CYP4V2: variants seen among roughly 807,000 people sequenced by gnomAD.
CYP4V2 encodes cytochrome P450 4V2.
Under a neutral mutation model 60.8 loss-of-function variants are expected in CYP4V2, and 55 were observed. The observed-to-expected ratio is 0.90, with a 90% CI of 0.73 to 1.13. The LOEUF is 1.13. Among genes scored for constraint, CYP4V2 ranks in the 50% most tolerant of loss-of-function variants. The pLI is 0.00. For missense variants in CYP4V2, 675 were observed against 662.9 expected (o/e 1.02, Z -0.20); for synonymous variants, 239 against 236.8 (o/e 1.01, Z -0.08).
At chr4:186,193,092 A>G (rs1233966708) in intron 1 of CYP4V2, among the ~76,000 whole-genome samples, 2 of 152,090 alleles carry the variant, frequency 1.3e-5, no homozygotes, top group Non-Finnish European at 1.5e-5. Flanking sequence ...AAATATCATC[A>G]TGACTGATGT....
chr4:186,195,626 A>T lies in CYP4V2; in HGVS notation c.328-377A>T, dbSNP rs1168212608. On this transcript the variant is annotated intron_variant, in intron 2 of 10. Coordinates refer to ENST00000378802, the MANE Select transcript of CYP4V2 (RefSeq NM_207352.4). The surrounding 1 kb of genome is among the most constrained non-coding windows in gnomAD (Gnocchi z 4.1). Reference sequence around the variant, plus strand: ...ACAGCAACCTGAAGGCCTCAAAGTTACCATCACCTGAAAATACACCTATGA... The same window carrying T: ...ACAGCAACCTGAAGGCCTCAAAGTTTCCATCACCTGAAAATACACCTATGA... 2.0e-5 allele frequency among the ~76,000 whole-genome samples: 3 copies of T among 152,100 alleles called. No individual in the cohort carries two copies. In the East Asian group the frequency reaches 5.8e-4, roughly 29 times the overall value.
chr4:186,197,248 G>T, intron 4 of CYP4V2, 118 bp downstream of exon 4: 3 of 1,311,488 alleles, frequency 2.3e-6, no homozygotes, highest in Non-Finnish European at 3.2e-6. Context: ...GGGCTCTTCA[G>T]CGCGGTTCTA....
intron 8 of CYP4V2, among the ~76,000 whole-genome samples, chr4:186,206,537 T>A (rs952967326): frequency 1.3e-5 from 2 of 152,094 alleles, no homozygotes; most frequent in African/African-American, 4.8e-5. Context: ...CAACAAGTGG[T>A]ATCTGATGCA....
intron 8 of CYP4V2, among the ~76,000 whole-genome samples, chr4:186,207,991 A>T (rs1335733668): frequency 7.2e-5 from 11 of 152,224 alleles, no homozygotes. Flanking sequence ...GCTATTTAGC[A>T]TCCCCTGCCT....
In CYP4V2 at chr4:186,212,014, C is replaced by T. The variant is rs1011247868; in HGVS notation, c.*1373C>T. ...ACAGAGTTAATCATGCCTTTTGGAG[C>T]TAGAAGGACTTTAGAACTTATCTAG... On this transcript the variant is annotated 3_prime_UTR_variant, in exon 11 of 11. Coordinates refer to ENST00000378802, the MANE Select transcript of CYP4V2 (RefSeq NM_207352.4). 1.3e-5 allele frequency: 2 copies of T among 152,010 alleles called. No individual in the cohort carries two copies. Among genetic ancestry groups the T allele is most frequent in the Non-Finnish European group, 2.9e-5 (2 of 68,016 alleles). 9.4% of individuals were successfully genotyped at this position (152,010 alleles called of 1,614,324 possible).
In CYP4V2 at chr4:186,205,268, G is replaced by GA. The variant is rs1280925919; in HGVS notation, c.1062dup (p.Val355SerfsTer4). 6.2e-7 allele frequency: 1 copy of GA among 1,614,084 alleles called. No individual in the cohort carries two copies. Among genetic ancestry groups the GA allele is most frequent in the Non-Finnish European group, 8.5e-7 (1 of 1,180,044 alleles). ...TGTTGGGTTCTAACCCAGAAGTCCA[G>GA]AAAAAAGTGGATCATGAATTGGATG... On this transcript the variant is annotated frameshift_variant, in exon 8 of 11. Transcript: ENST00000378802. LOFTEE classifies it high-confidence loss of function.
In CYP4V2 at chr4:186,191,837, G is replaced by C. The variant is rs556591903; in HGVS notation, c.14G>C (p.Trp5Ser). ...CCAGCCGGGGCGATGGCGGGGCTCT[G>C]GCTGGGGCTCGTGTGGCAGAAGCTG... is the stretch of plus-strand genomic sequence containing the variant. MAGL[W>S]LGLVWQKLLL... The change falls in exon 1 of 11, where the codon TGG becomes TCG. Residue 5 changes from tryptophan to serine, a missense_variant. By Grantham distance (177) the Trp-to-Ser change is radical (BLOSUM62 -3). Coordinates refer to ENST00000378802, the MANE Select transcript of CYP4V2 (RefSeq NM_207352.4). The C allele has an allele frequency of 3.4e-5, 54 of 1,573,976 alleles. 1 individual carries two copies. The South Asian group carries it at 6.2e-4, about 18-fold the overall frequency.
In CYP4V2 at chr4:186,209,096, GT is replaced by G. The variant is rs1561438355; in HGVS notation, c.1231del (p.Tyr411ThrfsTer4). The G allele has an allele frequency of 6.2e-7, 1 of 1,614,082 alleles. No homozygotes were observed. The highest frequency in any genetic ancestry group is 8.5e-7 in the Non-Finnish European group (1 of 1,180,026). ...TGTATTGACTACTTCTTGACAGCAG[GT>G]TACAGAGTTCTAAAAGGCACTGAAG... The part of the protein sequence containing the change: ...RSVSEDCEVA[G>X]YRVLKGTEAV... On this transcript the variant is annotated frameshift_variant, in exon 10 of 11. Coordinates refer to ENST00000378802, the MANE Select transcript of CYP4V2 (RefSeq NM_207352.4). LOFTEE classifies it high-confidence loss of function.
At chr4:186,205,008 G>A (rs1297622883) in intron 7 of CYP4V2, 192 bp from the exon 8 acceptor site, 3 of 651,222 alleles carry the variant, frequency 4.6e-6, no homozygotes, top group Non-Finnish European at 5.5e-6. Flanking sequence ...CCATCTCTAG[G>A]CATGAACCTC....
At chr4:186,194,641 G>A (rs1561430996) in intron 2 of CYP4V2, 29 bp downstream of exon 2, 3 of 1,557,454 alleles carry the variant, frequency 1.9e-6, no homozygotes, top group Non-Finnish European at 2.7e-6. Flanking sequence ...GATCAGTATT[G>A]TACTGTGTAT....
In CYP4V2 at chr4:186,192,001, G is replaced by C. The variant is rs893974930; in HGVS notation, c.178G>C (p.Val60Leu). 2 of 1,584,708 alleles carry C rather than the reference G, an allele frequency of 1.3e-6. No homozygotes were observed. The highest frequency in any genetic ancestry group is 1.3e-5 in the African/African-American group (1 of 74,610). ...IPTVARAYPL[V>L]GHALLMKPDG... is the part of the protein sequence containing the mutation. ...CACGGTGGCCCGCGCCTACCCACTG[G>C]TGGGCCACGCGCTGCTGATGAAGCC... Residue 60 changes from valine to leucine, a missense_variant, in exon 1 of 11, where the codon GTG (valine) becomes CTG (leucine). By Grantham distance (32) the Val-to-Leu change is conservative. Transcript: ENST00000378802.
chr4:186,210,419 A>T, intron 10 of CYP4V2, 50 bp from the exon 11 acceptor site: 1 of 1,612,610 alleles, frequency 6.2e-7, no homozygotes, highest in Non-Finnish European at 8.5e-7. Flanking sequence ...TGTTTCTCAC[A>T]TTTGGGGTAA....
At chr4:186,201,651 T>G (rs936349011) in intron 7 of CYP4V2, 1 of 289,674 alleles carries the variant, frequency 3.5e-6, no homozygotes, top group Non-Finnish European at 6.6e-6. Context: ...TCCATGTGGC[T>G]TCAGGCTTCC....
At chr4:186,192,880 G>T (rs1381480223) in intron 1 of CYP4V2, among the ~76,000 whole-genome samples, 2 of 151,112 alleles carry the variant, frequency 1.3e-5, no homozygotes, top group Non-Finnish European at 3.0e-5. Context: ...TTTCCTCTGG[G>T]ATTATTTGTT....
chr4:186,194,622 T>C lies in CYP4V2; in HGVS notation c.327+10T>C, dbSNP rs1279614362. 2 of 1,599,488 alleles carry C rather than the reference T, an allele frequency of 1.3e-6. No individual in the cohort carries two copies. Among genetic ancestry groups the C allele is most frequent in the Admixed American group, 1.7e-5 (1 of 59,920 alleles). ...TGCAGAAAATGTGGAGGTGGGTACA[T>C]GTGAATATGATCAGTATTGTACTGT... On this transcript the variant is annotated intron_variant, in intron 2 of 10. Coordinates refer to ENST00000378802, the MANE Select transcript of CYP4V2 (RefSeq NM_207352.4).
chr4:186,197,000 T>C lies in CYP4V2; in HGVS notation c.474T>C (p.Ile158=). The change falls in exon 4 of 11, where the codon ATT becomes ATC. Residue 158 remains isoleucine, a synonymous_variant. Transcript: ENST00000378802. ...KMLTPTFHFT[I]LEDFLDIMNE... is the part of the protein sequence containing the mutation. ...TAACACCCACTTTCCATTTTACCAT[T>C]CTGGAAGATTTCTTAGATATCATGA... 4 of 1,613,838 alleles carry C rather than the reference T, an allele frequency of 2.5e-6. No homozygotes were observed. The highest frequency in any genetic ancestry group is 1.3e-5 in the African/African-American group (1 of 75,044).
rs773690118 is a variant in CYP4V2, at chr4:186,194,640, T to C, written c.327+28T>C. 5.8e-6 allele frequency: 9 copies of C among 1,554,004 alleles called. No homozygotes were observed. In the East Asian group the frequency reaches 1.8e-4, roughly 32 times the overall value. ...GGGTACATGTGAATATGATCAGTAT[T>C]GTACTGTGTATCTGACAGTGTGAGA... On this transcript the variant is annotated intron_variant, in intron 2 of 10. Transcript: ENST00000378802.
At chr4:186,199,195 C>A (rs1353142640) in intron 6 of CYP4V2, 112 bp downstream of exon 6, 3 of 1,135,140 alleles carry the variant, frequency 2.6e-6, no homozygotes, top group Non-Finnish European at 3.9e-6. Flanking sequence ...CGATGTTGTG[C>A]AACCATCCCC....
intron 7 of CYP4V2, chr4:186,204,658 C>T (rs1395484301): frequency 9.7e-6 from 2 of 205,388 alleles, no homozygotes; most frequent in Non-Finnish European, 2.0e-5. Context: ...AGTAATGAGT[C>T]TTTCATGGAG....
Sources: allele counts gnomAD v4.1 joint callset (sites outside exome capture counted in the v4.1 genomes callset), GRCh38; gene constraint gnomAD v4.1.1; non-coding constraint Gnocchi (gnomAD v3.1); transcripts MANE v1.5; gene names NCBI Gene and HGNC (gene_info 2026-07-23, HGNC 2026-07-21).